The following EPB41 variants were observed in gnomAD, a reference collection of about 807,000 sequenced individuals.
EPB41 encodes the protein erythrocyte membrane protein band 4.1.
In EPB41, 65 loss-of-function variants were observed where a neutral mutation model predicts 108.0. The observed-to-expected ratio is 0.60, with a 90% CI of 0.49 to 0.74. The LOEUF (loss-of-function observed/expected upper bound fraction) is 0.74, where lower values mean the gene tolerates loss of function less well. Among genes scored for constraint, EPB41 ranks in the 30% least tolerant of loss-of-function variants. EPB41 has a pLI of 0.00. For missense variants in EPB41, 875 were observed against 1,037.0 expected (o/e 0.84, Z 2.15); for synonymous variants, 336 against 358.9 (o/e 0.94, Z 0.72).
rs1414184896 is a variant in EPB41, at chr1:29,018,077, A to G, written c.906-147A>G. On this transcript the variant is annotated intron_variant, in intron 6 of 20. Transcript: ENST00000343067. The surrounding 1 kb of genome is among the most constrained non-coding windows in gnomAD (Gnocchi z 4.4). Reference sequence around the variant, plus strand: ...AACTACCTAGATTGAAGTTATTATTATCTCATATTTACTTAATTGCTTTCT... The same window carrying G: ...AACTACCTAGATTGAAGTTATTATTGTCTCATATTTACTTAATTGCTTTCT... The G allele has an allele frequency of 2.9e-6, 2 of 689,034 alleles. No individual in the cohort carries two copies. Among genetic ancestry groups the G allele is most frequent in the African/African-American group, 1.8e-5 (1 of 55,450 alleles). The allele number at this position is 689,034 out of a possible 1,614,324, so 42.7% of individuals were successfully genotyped here.
intron 1 of EPB41, among the ~76,000 whole-genome samples, chr1:28,952,829 A>G (rs1397116771): frequency 1.3e-5 from 2 of 152,080 alleles, no homozygotes; most frequent in Non-Finnish European, 2.9e-5. Flanking sequence ...AGATGAAGCT[A>G]GAGATTTAAC....
Position 29,039,252 on chromosome 1 carries a change from A to C in EPB41, c.1464-2A>C. 6.2e-7 allele frequency: 1 copy of C among 1,613,948 alleles called. No homozygotes were observed. Among genetic ancestry groups the C allele is most frequent in the Non-Finnish European group, 8.5e-7 (1 of 1,179,898 alleles). The stretch of plus-strand genomic sequence containing the variant: ...ATATGACTATTACGATTTTCCCCCC[A>C]GATTGACATCTACAGACACCATTCC... On this transcript the variant is annotated splice_acceptor_variant, in intron 10 of 20. Transcript: ENST00000343067. LOFTEE classifies it high-confidence loss of function.
At chr1:29,020,690 C>T (rs1353444643) in intron 7 of EPB41, among the ~76,000 whole-genome samples, 1 of 151,760 alleles carries the variant, frequency 6.6e-6, no homozygotes, top group African/African-American at 2.4e-5. Flanking sequence ...GATGGAATGT[C>T]ACTGTTGCCC....
intron 19 of EPB41, among the ~76,000 whole-genome samples, chr1:29,114,174 C>CA (rs1670118193): frequency 6.6e-6 from 1 of 152,156 alleles, no homozygotes; most frequent in African/African-American, 2.4e-5. Context: ...GGGGAGCCTG[C>CA]AAATTCAGAG....
chr1:28,949,573 CT>C (rs1290170916), intron 1 of EPB41, among the ~76,000 whole-genome samples: 1 of 151,470 alleles, frequency 6.6e-6, no homozygotes, highest in South Asian at 2.1e-4. Flanking sequence ...CTGCTATTTC[CT>C]TTTTTCCACT....
At chr1:29,004,745 A>T (rs181145623) in intron 4 of EPB41, among the ~76,000 whole-genome samples, 1 of 152,190 alleles carries the variant, frequency 6.6e-6, no homozygotes, top group African/African-American at 2.4e-5. Flanking sequence ...TTAGTACTTA[A>T]AGAATGAGAC....
At chr1:28,984,215 G>T (rs1446982893) in intron 1 of EPB41, among the ~76,000 whole-genome samples, 1 of 152,084 alleles carries the variant, frequency 6.6e-6, no homozygotes, top group Non-Finnish European at 1.5e-5. Context: ...TGGGGCCATG[G>T]GTGGTTTAGG....
intron 1 of EPB41, among the ~76,000 whole-genome samples, chr1:28,968,146 C>A (rs2095408092): frequency 6.6e-6 from 1 of 151,684 alleles, no homozygotes; most frequent in South Asian, 2.1e-4. Flanking sequence ...ATCACGAGGT[C>A]AAGAGATCGA....
At chr1:29,097,729 G>T in intron 16 of EPB41, 78 bp from the exon 17 acceptor site, 2 of 1,520,578 alleles carry the variant, frequency 1.3e-6, no homozygotes, top group South Asian at 1.1e-5. Flanking sequence ...CTAACACTTT[G>T]ATCAGATCAG....
intron 16 of EPB41, among the ~76,000 whole-genome samples, chr1:29,087,334 G>A (rs1171736268): frequency 6.6e-6 from 1 of 152,008 alleles, no homozygotes; most frequent in Non-Finnish European, 1.5e-5. Context: ...ATTTGTTGGA[G>A]TGGCAGCAAA....
At chr1:29,072,395 T>TAAAA (rs1220584926) in intron 16 of EPB41, 5 of 152,316 alleles carry the variant, frequency 3.3e-5, no homozygotes, top group African/African-American at 9.6e-5. Flanking sequence ...TTTAAGGAAT[T>TAAAA]AAAAGGAAAT....
chr1:28,978,587 G>T (rs955797212), intron 1 of EPB41, among the ~76,000 whole-genome samples: 1 of 151,464 alleles, frequency 6.6e-6, no homozygotes, highest in Non-Finnish European at 1.5e-5. Context: ...CTAGAAACCT[G>T]GTAAAATATT....
At chr1:28,950,482 A>G (rs917169373) in intron 1 of EPB41, among the ~76,000 whole-genome samples, 3 of 152,192 alleles carry the variant, frequency 2.0e-5, no homozygotes, top group Non-Finnish European at 4.4e-5. Flanking sequence ...ATCTATTTTG[A>G]AGAGTAAAAT....
intron 1 of EPB41, among the ~76,000 whole-genome samples, chr1:28,921,961 T>TATATATATATATATATATATATATACAC (rs770764638): frequency 8.2e-5 from 9 of 109,914 alleles, no homozygotes; most frequent in African/African-American, 2.1e-4. Context: ...TATATATATA[T>TATATATATATATATATATATATATACAC]ACACTTTTTT....
chr1:28,981,687 T>C (rs1288876843), intron 1 of EPB41, among the ~76,000 whole-genome samples: 1 of 152,150 alleles, frequency 6.6e-6, no homozygotes, highest in East Asian at 1.9e-4. Context: ...TCAAGACTTT[T>C]AGAGAGTTCG....
At position 29,115,644 on chromosome 1, in the gene EPB41, T is replaced by G. The variant is rs1670686762; in HGVS notation, c.2497-55T>G. The stretch of plus-strand genomic sequence containing the variant: ...ATCAGAGAAATGATGACCACTGCCT[T>G]CCTTCGCCATCAGGCTATTTTCTGC... On this transcript the variant is annotated intron_variant, in intron 19 of 20. Coordinates refer to ENST00000343067, the MANE Select transcript of EPB41 (RefSeq NM_001376013.1). The surrounding 1 kb of genome is among the most constrained non-coding windows in gnomAD (Gnocchi z 4.4). 7.0e-7 allele frequency: 1 copy of G among 1,424,174 alleles called. No individual in the cohort carries two copies. 88.2% of individuals were successfully genotyped at this position (1,424,174 alleles called of 1,614,324 possible).
chr1:28,998,024 T>C (rs1557967749), intron 4 of EPB41, among the ~76,000 whole-genome samples: 1 of 152,210 alleles, frequency 6.6e-6, no homozygotes, highest in African/African-American at 2.4e-5. Flanking sequence ...GCAGGTGCTG[T>C]ACTAGATGAT....
intron 1 of EPB41, among the ~76,000 whole-genome samples, chr1:28,930,278 T>A (rs1397878422): frequency 6.7e-6 from 1 of 149,136 alleles, no homozygotes; most frequent in Non-Finnish European, 1.5e-5. Context: ...CGCCGCAGCC[T>A]TCTGAGTAGT....
At chr1:29,049,686 T>A (rs1644150954) in intron 11 of EPB41, among the ~76,000 whole-genome samples, 2 of 152,218 alleles carry the variant, frequency 1.3e-5, no homozygotes, top group Admixed American at 6.5e-5. Context: ...TCTGATGGTT[T>A]GAATTTTATT....
Sources: gnomAD v4.1 joint callset for allele counts (sites outside exome capture counted in the v4.1 genomes callset) on GRCh38, gnomAD v4.1.1 for gene constraint, Gnocchi (gnomAD v3.1) non-coding constraint, MANE v1.5 for transcripts, NCBI Gene and HGNC (gene_info 2026-07-23, HGNC 2026-07-21) for gene names.